Variants in SLIT2 observed in about 807,000 individuals in gnomAD.
SLIT2 encodes the protein slit guidance ligand 2.
SLIT2 carries 41 observed loss-of-function variants against 185.7 expected under a neutral mutation model. The observed-to-expected ratio is 0.22, with a 90% CI of 0.17 to 0.29. SLIT2 has a LOEUF of 0.29. SLIT2 is among the 10% of genes least tolerant of loss of function. SLIT2 has a pLI of 1.00. For missense variants in SLIT2, 1,571 were observed against 1,909.0 expected, an observed-to-expected ratio of 0.82 and a Z score of 3.30; for synonymous variants, 693 against 680.2, an observed-to-expected ratio of 1.02 and a Z score of -0.29.
intron 4 of SLIT2, among the ~76,000 whole-genome samples, chr4:20,376,115 C>CT (rs71653881): frequency 0.057 from 4,554 of 79,692 alleles, 250 homozygotes; most frequent in Non-Finnish European, 0.068. Flanking sequence ...CATTGTTTAA[C>CT]TTTTTTTTTT....
At chr4:20,588,330 G>T (rs546538754) in intron 29 of SLIT2, among the ~76,000 whole-genome samples, 1 of 152,286 alleles carries the variant, frequency 6.6e-6, no homozygotes, top group East Asian at 1.9e-4. Flanking sequence ...AAAGACTCTT[G>T]AAGTCTAAAT....
intron 2 of SLIT2, among the ~76,000 whole-genome samples, chr4:20,256,976 C>G (rs1034219347): frequency 6.6e-6 from 1 of 152,014 alleles, no homozygotes; most frequent in Non-Finnish European, 1.5e-5. Context: ...GACCTCAGAT[C>G]TTTGTTATAC....
intron 5 of SLIT2, among the ~76,000 whole-genome samples, chr4:20,472,306 C>CTATATATA (rs375571344): frequency 3.4e-4 from 6 of 17,510 alleles, no homozygotes; most frequent in Non-Finnish European, 5.2e-4. Flanking sequence ...ATATATAGAT[C>CTATATATA]TATATATAGA....
intron 25 of SLIT2, among the ~76,000 whole-genome samples, chr4:20,551,681 C>T (rs621806): frequency 0.74 from 112,125 of 152,022 alleles, 42,537 homozygotes; most frequent in East Asian, 0.97. Context: ...TATGCCTAAA[C>T]AGCAATGTCA....
chr4:20,281,843 A>G (rs1360250298), intron 4 of SLIT2, among the ~76,000 whole-genome samples: 2 of 152,224 alleles, frequency 1.3e-5, no homozygotes, highest in Non-Finnish European at 2.9e-5. Context: ...AATGAGAATA[A>G]CGCTTGTAGC....
chr4:20,282,141 T>G (rs143726830), intron 4 of SLIT2, among the ~76,000 whole-genome samples: 190 of 152,326 alleles, frequency 1.2e-3, no homozygotes, highest in African/African-American at 4.4e-3. Flanking sequence ...AATTGATTTT[T>G]ATTCAGATGG....
At chr4:20,567,636 C>T (rs2290751) in intron 28 of SLIT2, 21 bp downstream of exon 28, 504,395 of 1,536,648 alleles carry the variant, frequency 0.33, 85,434 homozygotes, top group African/African-American at 0.39. Flanking sequence ...AGTCTATGAC[C>T]ATCTGTGTCT....
intron 4 of SLIT2, among the ~76,000 whole-genome samples, chr4:20,298,082 G>GTT (rs780505182): frequency 2.0e-4 from 27 of 137,140 alleles, no homozygotes; most frequent in Middle Eastern, 3.8e-3. Context: ...TCTTCTGTTA[G>GTT]TTTTTTTTTT....
At chr4:20,290,525 A>G (rs1715695474) in intron 4 of SLIT2, among the ~76,000 whole-genome samples, 1 of 152,158 alleles carries the variant, frequency 6.6e-6, no homozygotes, top group South Asian at 2.1e-4. Flanking sequence ...TGGAATCCCT[A>G]TTAGCCTAGA....
intron 5 of SLIT2, among the ~76,000 whole-genome samples, chr4:20,471,550 G>T (rs1248629301): frequency 6.6e-6 from 1 of 151,662 alleles, no homozygotes; most frequent in Non-Finnish European, 1.5e-5. Flanking sequence ...GAGTAAAAGA[G>T]AAAAAAAAGA....
intron 7 of SLIT2, among the ~76,000 whole-genome samples, chr4:20,487,687 T>C (rs925608026): frequency 1.3e-5 from 2 of 152,168 alleles, no homozygotes. Flanking sequence ...TTTCCCAAAA[T>C]GTAGCTTTTT....
At chr4:20,503,701 C>T (rs1474292235) in intron 9 of SLIT2, among the ~76,000 whole-genome samples, 4 of 152,096 alleles carry the variant, frequency 2.6e-5, no homozygotes, top group Non-Finnish European at 5.9e-5. Flanking sequence ...TTTGTCTTGC[C>T]TTAAATGCTT....
At chr4:20,542,437 T>G (rs1722878026) in intron 20 of SLIT2, 57 bp from the exon 21 acceptor site, 1 of 1,581,548 alleles carries the variant, frequency 6.3e-7, no homozygotes, top group African/African-American at 1.3e-5. Flanking sequence ...ATAAAATCCC[T>G]TCTAGCACCT....
At chr4:20,309,760 T>C (rs1195276214) in intron 4 of SLIT2, among the ~76,000 whole-genome samples, 1 of 137,626 alleles carries the variant, frequency 7.3e-6, no homozygotes, top group African/African-American at 2.6e-5. Flanking sequence ...CTTTCTTTCT[T>C]TTTTTTTTTT....
chr4:20,337,853 A>G (rs1720637235), intron 4 of SLIT2, among the ~76,000 whole-genome samples: 1 of 152,172 alleles, frequency 6.6e-6, no homozygotes, highest in South Asian at 2.1e-4. Context: ...AAGAAGAACC[A>G]AAACACTTTA....
intron 4 of SLIT2, among the ~76,000 whole-genome samples, chr4:20,390,986 C>A (rs1414631968): frequency 2.0e-5 from 3 of 151,774 alleles, no homozygotes; most frequent in African/African-American, 7.3e-5. Context: ...ATAATTTTTT[C>A]CAGAATTTTA....
At chr4:20,322,831 G>A (rs965954374) in intron 4 of SLIT2, among the ~76,000 whole-genome samples, 18 of 152,024 alleles carry the variant, frequency 1.2e-4, no homozygotes, top group Non-Finnish European at 2.4e-4. Context: ...AGAGACTAAT[G>A]GTATTGAACA....
chr4:20,254,039 G>A lies in SLIT2; in HGVS notation c.179+45G>A, dbSNP rs779618648. ...CTTCCCCTCTCCCCATCCGGGCCGC[G>A]CACCCCTGCCTCCACTGGAGGAACC... On this transcript the variant is annotated intron_variant, in intron 1 of 36. Coordinates refer to ENST00000504154, the MANE Select transcript of SLIT2 (RefSeq NM_004787.4). The surrounding 1 kb of genome is among the most constrained non-coding windows in gnomAD (Gnocchi z 5.1). The A allele has an allele frequency of 1.3e-6, 2 of 1,567,116 alleles. No individual in the cohort carries two copies. The highest frequency in any genetic ancestry group is 1.7e-6 in the Non-Finnish European group (2 of 1,156,194).
intron 5 of SLIT2, among the ~76,000 whole-genome samples, chr4:20,469,979 TC>T (rs1279969517): frequency 6.6e-6 from 1 of 152,020 alleles, no homozygotes; most frequent in Non-Finnish European, 1.5e-5. Flanking sequence ...GGTCTCGAAC[TC>T]CTGACCTCAG....
Sources: allele counts gnomAD v4.1 joint callset (sites outside exome capture counted in the v4.1 genomes callset), GRCh38; gene constraint gnomAD v4.1.1; non-coding constraint Gnocchi (gnomAD v3.1); transcripts MANE v1.5; gene names NCBI Gene and HGNC (gene_info 2026-07-23, HGNC 2026-07-21).